The following SH3GL3 variants were observed in gnomAD, a reference collection of about 807,000 sequenced individuals.
SH3GL3 encodes the protein SH3 domain containing GRB2 like 3, endophilin A3, also known as endophilin-A3.
SH3GL3 carries 33 observed loss-of-function variants against 47.7 expected under a neutral mutation model. The ratio of observed to expected loss-of-function variants is 0.69; its 90% CI spans 0.52 to 0.92. The LOEUF (loss-of-function observed/expected upper bound fraction) is 0.92. Ranked by LOEUF, SH3GL3 falls within the 40% of genes least tolerant of loss-of-function variation. The pLI is 0.00. For missense variants in SH3GL3, 363 were observed against 417.8 expected (o/e 0.87, Z 1.14); for synonymous variants, 155 against 148.8 (o/e 1.04, Z -0.30).
intron 1 of SH3GL3, among the ~76,000 whole-genome samples, chr15:83,507,572 G>A (rs535063374): frequency 5.3e-5 from 8 of 151,922 alleles, no homozygotes; most frequent in East Asian, 2.0e-4. Flanking sequence ...ATGTCACCAC[G>A]CCTGGCTAAT....
chr15:83,491,659 C>T (rs1187276882), intron 1 of SH3GL3, among the ~76,000 whole-genome samples: 4 of 152,154 alleles, frequency 2.6e-5, no homozygotes, highest in African/African-American at 4.8e-5. Flanking sequence ...GTGGAAGAAT[C>T]GATGCCATCT....
chr15:83,566,178 G>A (rs2045525903), intron 3 of SH3GL3, among the ~76,000 whole-genome samples: 1 of 152,118 alleles, frequency 6.6e-6, no homozygotes, highest in Non-Finnish European at 1.5e-5. Flanking sequence ...GCTGACTCTT[G>A]AATGGGATAA....
chr15:83,557,027 A>T (rs1222769679), intron 1 of SH3GL3, among the ~76,000 whole-genome samples: 1 of 152,180 alleles, frequency 6.6e-6, no homozygotes, highest in East Asian at 1.9e-4. Flanking sequence ...CTTTGTGAGT[A>T]CTGATTTGGA....
chr15:83,498,928 C>G (rs1388909840), intron 1 of SH3GL3, among the ~76,000 whole-genome samples: 1 of 152,172 alleles, frequency 6.6e-6, no homozygotes, highest in Non-Finnish European at 1.5e-5. Context: ...CCCTTTGGAC[C>G]AGGTCCATGT....
At chr15:83,599,136 TG>T (rs2060314300) in intron 8 of SH3GL3, among the ~76,000 whole-genome samples, 1 of 152,210 alleles carries the variant, frequency 6.6e-6, no homozygotes, top group Non-Finnish European at 1.5e-5. Flanking sequence ...TTTCTGTAGT[TG>T]GGGGAGAATT....
intron 2 of SH3GL3, among the ~76,000 whole-genome samples, chr15:83,559,574 C>T (rs2045151202): frequency 6.6e-6 from 1 of 152,114 alleles, no homozygotes; most frequent in African/African-American, 2.4e-5. Context: ...GGCCAGAAGT[C>T]AGAATGTGCA....
intron 1 of SH3GL3, among the ~76,000 whole-genome samples, chr15:83,478,315 C>T (rs1398713727): frequency 6.6e-6 from 1 of 152,138 alleles, no homozygotes; most frequent in African/African-American, 2.4e-5. Context: ...TAGTGTCTTT[C>T]TTCAGGTAAT....
intron 8 of SH3GL3, among the ~76,000 whole-genome samples, chr15:83,593,708 T>C (rs1424616691): frequency 2.0e-5 from 3 of 152,242 alleles, no homozygotes; most frequent in Non-Finnish European, 4.4e-5. Context: ...TGCTAGAACA[T>C]GCTGAGTACA....
chr15:83,463,071 G>A (rs1324787005), intron 1 of SH3GL3, among the ~76,000 whole-genome samples: 4 of 152,162 alleles, frequency 2.6e-5, no homozygotes, highest in African/African-American at 9.7e-5. Flanking sequence ...TTGAGTCAGG[G>A]AAGCATGAAG....
intron 1 of SH3GL3, among the ~76,000 whole-genome samples, chr15:83,505,701 A>AT (rs1014968795): frequency 6.6e-6 from 1 of 151,578 alleles, no homozygotes; most frequent in African/African-American, 2.4e-5. Flanking sequence ...TAATTTTTGT[A>AT]TTTTTTAGTG....
chr15:83,458,624 C>A (rs1003558256), intron 1 of SH3GL3, among the ~76,000 whole-genome samples: 3 of 152,268 alleles, frequency 2.0e-5, no homozygotes, highest in African/African-American at 4.8e-5. Flanking sequence ...GGCCACAAAT[C>A]AAAACTCTGG....
At chr15:83,466,696 C>T (rs186421523) in intron 1 of SH3GL3, among the ~76,000 whole-genome samples, 11 of 152,320 alleles carry the variant, frequency 7.2e-5, no homozygotes, top group Admixed American at 5.2e-4. Flanking sequence ...TTCAATTTCT[C>T]CACATCCTCT....
chr15:83,621,091 C>T (rs111518163), downstream of SH3GL3, among the ~76,000 whole-genome samples: 4 of 152,180 alleles, frequency 2.6e-5, no homozygotes, highest in East Asian at 1.9e-4. Flanking sequence ...TCAGGTAATG[C>T]AGCTGGTTGA....
chr15:83,558,893 T>A (rs2045101720), intron 1 of SH3GL3, among the ~76,000 whole-genome samples: 1 of 152,260 alleles, frequency 6.6e-6, no homozygotes, highest in Non-Finnish European at 1.5e-5. Context: ...AGTACTATTA[T>A]TTTTTAATGG....
intron 1 of SH3GL3, among the ~76,000 whole-genome samples, chr15:83,495,012 A>G (rs1350271107): frequency 6.6e-6 from 1 of 151,978 alleles, no homozygotes; most frequent in Non-Finnish European, 1.5e-5. Flanking sequence ...GGTGCTGGGC[A>G]CAGGAAGGAC....
chr15:83,557,896 C>G (rs763280085), intron 1 of SH3GL3, among the ~76,000 whole-genome samples: 7 of 152,246 alleles, frequency 4.6e-5, no homozygotes, highest in African/African-American at 7.2e-5. Flanking sequence ...GATGGAGAAC[C>G]CTGGCCATTT....
intron 1 of SH3GL3, chr15:83,490,968 C>T: frequency 6.2e-7 from 1 of 1,609,848 alleles, no homozygotes; most frequent in East Asian, 2.2e-5. Context: ...AAAAGCCATT[C>T]TCATCAGCAC....
chr15:83,577,006 G>C (rs1228622486), intron 6 of SH3GL3, among the ~76,000 whole-genome samples: 2 of 132,518 alleles, frequency 1.5e-5, no homozygotes, highest in African/African-American at 5.8e-5. Context: ...CGTCTCCTTG[G>C]TTCAAGTGAT....
At chr15:83,554,247 G>A (rs964731217) in intron 1 of SH3GL3, among the ~76,000 whole-genome samples, 2 of 151,912 alleles carry the variant, frequency 1.3e-5, no homozygotes, top group African/African-American at 4.8e-5. Flanking sequence ...GAGTGCAATG[G>A]CGCGATCCCG....
Sources: allele counts gnomAD v4.1 joint callset (sites outside exome capture counted in the v4.1 genomes callset), GRCh38; gene constraint gnomAD v4.1.1; transcripts MANE v1.5; gene names NCBI Gene and HGNC (gene_info 2026-07-23, HGNC 2026-07-21).